CPPED1: variants seen among roughly 807,000 people sequenced by gnomAD.
CPPED1 encodes the protein serine/threonine-protein phosphatase CPPED1.
CPPED1 carries 28 observed loss-of-function variants against 28.0 expected under a neutral mutation model. The ratio of observed to expected loss-of-function variants is 1.00; its 90% CI spans 0.74 to 1.37. The LOEUF is 1.37. Among genes scored for constraint, CPPED1 ranks in the 40% most tolerant of loss-of-function variants. The pLI, the probability that CPPED1 is intolerant of heterozygous loss-of-function variation, is 0.00. For missense variants in CPPED1, 504 were observed against 416.5 expected, an observed-to-expected ratio of 1.21 and a Z score of -1.83; for synonymous variants, 198 against 180.2, an observed-to-expected ratio of 1.10 and a Z score of -0.79.
intron 2 of CPPED1, among the ~76,000 whole-genome samples, chr16:12,705,749 T>C (rs1268180403): frequency 1.3e-5 from 2 of 152,150 alleles, no homozygotes; most frequent in Non-Finnish European, 2.9e-5. Context: ...CAAGAGCGAA[T>C]CTCTGCCTTA....
intron 2 of CPPED1, among the ~76,000 whole-genome samples, chr16:12,737,214 A>AT (rs1370425625): frequency 2.6e-5 from 4 of 151,628 alleles, no homozygotes; most frequent in African/African-American, 9.8e-5. Flanking sequence ...AATAATAATA[A>AT]AAAAAATCAG....
chr16:12,696,414 C>T (rs1175428142), intron 3 of CPPED1, among the ~76,000 whole-genome samples: 1 of 151,406 alleles, frequency 6.6e-6, no homozygotes, highest in African/African-American at 2.4e-5. Context: ...TCACTATGAG[C>T]CAGACATGGT....
At chr16:12,716,664 T>C (rs1458965114) in intron 2 of CPPED1, among the ~76,000 whole-genome samples, 1 of 152,352 alleles carries the variant, frequency 6.6e-6, no homozygotes, top group Middle Eastern at 3.4e-3. Context: ...CATATATAGA[T>C]ACTGCTCTTT....
intron 2 of CPPED1, among the ~76,000 whole-genome samples, chr16:12,755,297 T>TTTC (rs2080358278): frequency 6.6e-6 from 1 of 151,486 alleles, no homozygotes; most frequent in Non-Finnish European, 1.5e-5. Flanking sequence ...TTTTTTTTTT[T>TTTC]TTGAGACAAG....
chr16:12,803,887 C>G lies in CPPED1; in HGVS notation c.-111G>C. The G allele has an allele frequency of 1.2e-6, 1 of 807,576 alleles. No individual in the cohort carries two copies. The highest frequency in any genetic ancestry group is 1.8e-6 in the Non-Finnish European group (1 of 555,512). The allele number at this position is 807,576 out of a possible 1,614,324, so 50.0% of individuals were successfully genotyped here. Reference sequence around the variant, plus strand: ...CGCTTTGGGCGACGCCCTTTGATCTCGGGGCGGGACTGGGGCGGGACGGGG... The same window carrying G: ...CGCTTTGGGCGACGCCCTTTGATCTGGGGGCGGGACTGGGGCGGGACGGGG... On this transcript the variant is annotated 5_prime_UTR_variant, in exon 1 of 4. Coordinates refer to ENST00000381774, the MANE Select transcript of CPPED1 (RefSeq NM_018340.3).
At position 12,756,711 on chromosome 16, in the gene CPPED1, A is replaced by T. The variant is rs114504083; in HGVS notation, c.289+24474T>A. 2.7e-3 allele frequency among the ~76,000 whole-genome samples: 410 copies of T among 152,210 alleles called. 4 individuals carry two copies. Among genetic ancestry groups the T allele is most frequent in the African/African-American group, 9.0e-3 (375 of 41,524 alleles). On this transcript the variant is annotated intron_variant, in intron 2 of 3. Transcript: ENST00000381774. ...AGAGCAAGACTCTGTCTAAAAAATT[A>T]AAAAAATAAAATTAAAACAGTGAGT... is the stretch of plus-strand genomic sequence containing the variant.
chr16:12,797,755 T>C (rs1596489670), intron 1 of CPPED1, among the ~76,000 whole-genome samples: 1 of 151,888 alleles, frequency 6.6e-6, no homozygotes, highest in Non-Finnish European at 1.5e-5. Context: ...AGTTTAGGAA[T>C]TTGTGCTGGG....
intron 2 of CPPED1, chr16:12,757,660 G>A (rs1047152619): frequency 1.5e-5 from 2 of 132,924 alleles, no homozygotes; most frequent in African/African-American, 2.8e-5. Flanking sequence ...TATGTGTTGT[G>A]AGCGAGTAAC....
At chr16:12,761,421 G>T (rs1596475625) in intron 2 of CPPED1, among the ~76,000 whole-genome samples, 2 of 152,210 alleles carry the variant, frequency 1.3e-5, no homozygotes, top group East Asian at 3.9e-4. Flanking sequence ...CTGACAGTTT[G>T]GTCATCTGCA....
At chr16:12,750,061 T>G (rs1379870146) in intron 2 of CPPED1, among the ~76,000 whole-genome samples, 1 of 152,232 alleles carries the variant, frequency 6.6e-6, no homozygotes, top group Non-Finnish European at 1.5e-5. Flanking sequence ...CTTCTTTCCT[T>G]AAACCTCGTG....
chr16:12,779,580 G>A (rs368108534), intron 2 of CPPED1, among the ~76,000 whole-genome samples: 10 of 152,126 alleles, frequency 6.6e-5, no homozygotes, highest in African/African-American at 2.4e-4. Context: ...AGTAGAGACA[G>A]AATTTCACCA....
intron 2 of CPPED1, among the ~76,000 whole-genome samples, chr16:12,778,810 G>A (rs867684723): frequency 2.0e-4 from 30 of 152,248 alleles, no homozygotes; most frequent in Admixed American, 1.3e-4. Context: ...ATTCAAAACA[G>A]TTACATTCCT....
intron 2 of CPPED1, among the ~76,000 whole-genome samples, chr16:12,705,403 C>T (rs761438233): frequency 5.9e-5 from 9 of 152,118 alleles, no homozygotes; most frequent in Non-Finnish European, 1.3e-4. Flanking sequence ...TGGGAGGGAT[C>T]ACTTGAGCCC....
intron 2 of CPPED1, among the ~76,000 whole-genome samples, chr16:12,726,622 C>T (rs1482875128): frequency 2.0e-5 from 3 of 151,836 alleles, no homozygotes; most frequent in African/African-American, 7.3e-5. Flanking sequence ...GGATTACAGG[C>T]GTAAGCCACT....
At chr16:12,744,772 C>A (rs187985594) in intron 2 of CPPED1, among the ~76,000 whole-genome samples, 1 of 152,136 alleles carries the variant, frequency 6.6e-6, no homozygotes, top group Non-Finnish European at 1.5e-5. Context: ...CTTGAGCTCA[C>A]AAGTTCAAGA....
chr16:12,803,724 A>G lies in CPPED1; in HGVS notation c.53T>C (p.Leu18Pro), dbSNP rs757988085. The G allele has an allele frequency of 5.7e-6, 9 of 1,584,020 alleles. No individual in the cohort carries two copies. In the African/African-American group the frequency reaches 9.6e-5, roughly 17 times the overall value. Residue 18 changes from leucine (L) to proline (P), a missense_variant, in exon 1 of 4, where the codon CTG becomes CCG. Leu to Pro is a moderately conservative substitution (Grantham distance 98, BLOSUM62 -3). Transcript: ENST00000381774. ...GVFHRARGRT[L>P]AAFPAEKESE... ...GGCAGTACCTGCGGGAAACGCGGCC[A>G]GGGTCCTGCCCCTGGCTCTGTGGAA...
At chr16:12,796,463 C>A (rs893757581) in intron 1 of CPPED1, among the ~76,000 whole-genome samples, 20 of 152,098 alleles carry the variant, frequency 1.3e-4, no homozygotes, top group African/African-American at 4.8e-4. Flanking sequence ...CCACTGCACT[C>A]CAGCCTGGGC....
chr16:12,765,282 C>A (rs928390239), intron 2 of CPPED1, among the ~76,000 whole-genome samples: 25 of 152,352 alleles, frequency 1.6e-4, no homozygotes, highest in Admixed American at 4.6e-4. Context: ...ACAGCTCAAG[C>A]TTCATCACGT....
rs2079786965 is a variant in CPPED1 at position 12,660,340 on chromosome 16, T to C, written c.*4546A>G. 6.6e-6 allele frequency: 1 copy of C among 152,220 alleles called. No homozygotes were observed. The highest frequency in any genetic ancestry group is 1.5e-5 in the Non-Finnish European group (1 of 68,042). 9.4% of individuals were successfully genotyped at this position (152,220 alleles called of 1,614,324 possible). A position where few individuals can be genotyped will look rare whatever the true frequency, so the allele number is the denominator to read the frequency against. On this transcript the variant is annotated 3_prime_UTR_variant, in exon 4 of 4. Transcript: ENST00000381774. The stretch of plus-strand genomic sequence containing the variant: ...TCACATTTAATCGACTTCATTTACA[T>C]AGATAAAGCCTAAAGGAAAAATCCA...
Sources: gnomAD v4.1 joint callset for allele counts (sites outside exome capture counted in the v4.1 genomes callset) on GRCh38, gnomAD v4.1.1 for gene constraint, MANE v1.5 for transcripts, NCBI Gene and HGNC (gene_info 2026-07-23, HGNC 2026-07-21) for gene names.